Variants in B4GALNT4 observed in about 807,000 individuals in gnomAD.
B4GALNT4 encodes the protein N-acetyl-beta-glucosaminyl-glycoprotein 4-beta-N-acetylgalactosaminyltransferase 1.
B4GALNT4 carries 77 observed loss-of-function variants against 110.0 expected under a neutral mutation model. That is an observed-to-expected ratio of 0.70 (90% confidence interval 0.58 to 0.85). The LOEUF (loss-of-function observed/expected upper bound fraction) is 0.85. Among genes scored for constraint, B4GALNT4 ranks in the 40% least tolerant of loss-of-function variants. B4GALNT4 has a pLI of 0.00. For synonymous variants in B4GALNT4, 785 were observed against 655.5 expected (o/e 1.20, Z -3.02); for missense variants, 1,575 against 1,506.0 (o/e 1.05, Z -0.76).
chr11:379,586 A>G lies in B4GALNT4; in HGVS notation c.2373A>G (p.Gly791=). Reference sequence around the variant, plus strand: ...GAGCCCGCGTAGGGGATGCAGACGGAGAAAGTCCCGAACCCGCTCCCGCCG... The same window carrying G: ...GAGCCCGCGTAGGGGATGCAGACGGGGAAAGTCCCGAACCCGCTCCCGCCG... ...LPGARVGDAD[G]ESPEPAPAAS... The change falls in exon 15 of 20, where the codon GGA becomes GGG. Residue 791 remains glycine (G), a synonymous_variant. Transcript: ENST00000329962. 1 of 1,582,578 alleles carries G rather than the reference A, an allele frequency of 6.3e-7. No homozygotes were observed. The highest frequency in any genetic ancestry group is 8.6e-7 in the Non-Finnish European group (1 of 1,165,878).
Position 375,936 on chromosome 11 carries a change from A to G in B4GALNT4, c.1075A>G (p.Arg359Gly). 2 of 1,612,044 alleles carry G rather than the reference A, an allele frequency of 1.2e-6. No individual in the cohort carries two copies. The highest frequency in any genetic ancestry group is 1.7e-6 in the Non-Finnish European group (2 of 1,179,556). The change falls in exon 11 of 20, where the codon AGA becomes GGA. Residue 359 changes from arginine (R) to glycine (G), a missense_variant. Coordinates refer to ENST00000329962, the MANE Select transcript of B4GALNT4 (RefSeq NM_178537.5). ...TYVVKDFPIA[R>G]YQGLQFVYLS... ...CGTGGTCAAGGACTTCCCGATCGCC[A>G]GATACCAGGGCCTGCAATTTGTGAG...
At chr11:377,699 G>T (rs1263466313) in intron 14 of B4GALNT4, among the ~76,000 whole-genome samples, 1 of 152,244 alleles carries the variant, frequency 6.6e-6, no homozygotes, top group African/African-American at 2.4e-5. Flanking sequence ...TTCCGGGGGG[G>T]CCAGGCAGAG....
rs145389119 is a variant in B4GALNT4, at chr11:373,219, C to T, written c.564C>T (p.Asp188=). The T allele has an allele frequency of 1.4e-4, 227 of 1,612,238 alleles. 2 individuals are homozygous for T. The East Asian group carries it at 1.9e-3, about 14-fold the overall frequency. ...ACGTCCAGTTTTCTGTGGCCTCAGA[C>T]GACAACTCGGAGTTCTGGCTGAGTC... ...DGDVQFSVAS[D]DNSEFWLSLD... The change falls in exon 6 of 20, where the codon GAC becomes GAT. Residue 188 remains aspartate, a synonymous_variant. Transcript: ENST00000329962.
chr11:377,073 G>T lies in B4GALNT4; in HGVS notation c.1950G>T (p.Glu650Asp), dbSNP rs751769045. The T allele has an allele frequency of 9.3e-5, 134 of 1,445,398 alleles. No homozygotes were observed. In the South Asian group the frequency reaches 1.5e-3, roughly 16 times the overall value. The allele number at this position is 1,445,398 out of a possible 1,614,324, so 89.5% of individuals were successfully genotyped here. The change falls in exon 14 of 20, where the codon GAG becomes GAT. Residue 650 changes from glutamate to aspartate, a missense_variant. Physicochemically the swap from Glu to Asp is conservative, Grantham distance 45. Coordinates refer to ENST00000329962, the MANE Select transcript of B4GALNT4 (RefSeq NM_178537.5). ...PGEGEEEEEGEDDGAPGDEAA... is the reference protein window; with the variant it reads ...PGEGEEEEEGDDDGAPGDEAA... ...AGGGCGAAGAGGAGGAGGAAGGGGA[G>T]GACGATGGGGCCCCGGGCGACGAGG...
intron 3 of B4GALNT4, 44 bp from the exon 4 acceptor site, chr11:372,808 G>GGGGGCGGC: frequency 6.5e-7 from 1 of 1,534,786 alleles, no homozygotes; most frequent in South Asian, 1.2e-5. Context: ...GCTGGGGCGG[G>GGGGGCGGC]GGGGCGGCGG....
chr11:371,612 G>C (rs1846619878), intron 1 of B4GALNT4, among the ~76,000 whole-genome samples: 1 of 152,250 alleles, frequency 6.6e-6, no homozygotes. Flanking sequence ...TCCAGACTTT[G>C]AGAGCTCAAA....
intron 14 of B4GALNT4, among the ~76,000 whole-genome samples, chr11:377,618 T>TGGGCCC: frequency 6.6e-6 from 1 of 152,330 alleles, no homozygotes; most frequent in East Asian, 1.9e-4. Context: ...ATCCTGGACC[T>TGGGCCC]GGGCCCAGGG....
rs1050520177 is a variant in B4GALNT4, at chr11:377,202, C to A, written c.2079C>A (p.Phe693Leu). The A allele has an allele frequency of 6.3e-6, 10 of 1,591,986 alleles. No homozygotes were observed. The Admixed American group carries it at 7.0e-5, about 11-fold the overall frequency. Residue 693 changes from phenylalanine to leucine, a missense_variant, in exon 14 of 20, where the codon TTC becomes TTA. Coordinates refer to ENST00000329962, the MANE Select transcript of B4GALNT4 (RefSeq NM_178537.5). Reference protein sequence around the residue: ...QRTFSVGAVDFELLRSDWNDL... With the variant: ...QRTFSVGAVDLELLRSDWNDL... ...CGTTCAGCGTGGGCGCCGTGGACTTCGAGCTGCTGCGCTCGGACTGGAACG... is the reference window on the plus strand; with the variant it reads ...CGTTCAGCGTGGGCGCCGTGGACTTAGAGCTGCTGCGCTCGGACTGGAACG...
Position 377,302 on chromosome 11 carries a change from G to C in B4GALNT4, c.2179G>C (p.Glu727Gln), listed in dbSNP as rs1179182319. 3 of 1,564,302 alleles carry C rather than the reference G, an allele frequency of 1.9e-6. No individual in the cohort carries two copies. Among genetic ancestry groups the C allele is most frequent in the Non-Finnish European group, 2.6e-6 (3 of 1,158,232 alleles). ...CGTGGACGTGACCGCTCAGTACATG[G>C]AGCGGCTGAACGCGCGCCACGGCGG... ...EAVDVTAQYMERLNARHGGRF... is the reference protein window; with the variant it reads ...EAVDVTAQYMQRLNARHGGRF... The change falls in exon 14 of 20, where the codon GAG (glutamate) becomes CAG (glutamine). Residue 727 changes from glutamate (E) to glutamine (Q), a missense_variant. By Grantham distance (29) the Glu-to-Gln change is conservative. Coordinates refer to ENST00000329962, the MANE Select transcript of B4GALNT4 (RefSeq NM_178537.5).
rs771444346 is a variant in B4GALNT4 at position 380,815 on chromosome 11, C to T, written c.2870-10C>T. 5.0e-6 allele frequency: 8 copies of T among 1,613,628 alleles called. No individual in the cohort carries two copies. The highest frequency in any genetic ancestry group is 3.3e-5 in the Admixed American group (2 of 59,976). On this transcript the variant is annotated splice_polypyrimidine_tract_variant and intron_variant, in intron 18 of 19. Coordinates refer to ENST00000329962, the MANE Select transcript of B4GALNT4 (RefSeq NM_178537.5). The stretch of plus-strand genomic sequence containing the variant: ...TCTGAAGGGTAGCACCCCTCACCCT[C>T]CCGCCCCAGGTTACTGGGAGGTGAA...
chr11:372,210 G>A lies in B4GALNT4; in HGVS notation c.253G>A (p.Ala85Thr), dbSNP rs552017915. ...CAGTGAGAGCCGTGAAGAGGAGCAA[G>A]CGGTGAGCAGAGCCCTGGGGAGAAC... ...DSSESREEEQ[A>T]PEGRDLDMLF... The change falls in exon 2 of 20, where the codon GCG becomes ACG. Residue 85 changes from alanine (A) to threonine (T), a missense_variant and splice_region_variant. Ala to Thr is a moderately conservative substitution (Grantham distance 58). Transcript: ENST00000329962. The A allele has an allele frequency of 2.4e-5, 37 of 1,550,114 alleles. No individual in the cohort carries two copies. The South Asian group carries it at 4.0e-4, about 17-fold the overall frequency.
Position 376,491 on chromosome 11 carries a change from G to C in B4GALNT4, c.1368G>C (p.Arg456Ser). Residue 456 changes from arginine (R) to serine (S), a missense_variant, in exon 14 of 20, where the codon AGG becomes AGC. Arg to Ser is a moderately radical substitution (Grantham distance 110). Transcript: ENST00000329962. ...AGCCCACCGAGGCGGCCCCGCCCAG[G>C]AGCGGCCCCCAGTCCCCCGCCCCAG... is the stretch of plus-strand genomic sequence containing the variant. ...SLEPTEAAPP[R>S]SGPQSPAPAA... The C allele has an allele frequency of 6.4e-7, 1 of 1,570,596 alleles. No individual in the cohort carries two copies. The highest frequency in any genetic ancestry group is 8.6e-7 in the Non-Finnish European group (1 of 1,166,972).
rs1372163255 is a variant in B4GALNT4 at position 380,955 on chromosome 11, A to C, written c.2996+4A>C. ...AAGACTGGGAGCTCCTGGACAGGTG[A>C]CCACCTCCCCACTCCCCAGAGGTGA... On this transcript the variant is annotated splice_donor_region_variant and intron_variant, in intron 19 of 19. Transcript: ENST00000329962. 2.5e-6 allele frequency: 4 copies of C among 1,610,652 alleles called. No homozygotes were observed. Among genetic ancestry groups the C allele is most frequent in the Non-Finnish European group, 2.5e-6 (3 of 1,178,610 alleles).
Position 372,188 on chromosome 11 carries a change from TG to T in B4GALNT4, c.232del (p.Glu78ArgfsTer14), listed in dbSNP as rs1846629352. On this transcript the variant is annotated frameshift_variant, in exon 2 of 20. Transcript: ENST00000329962. LOFTEE classifies it high-confidence loss of function. ...PSTQRAEDSSESREEEQAPEG... is the reference protein window; with the variant it reads ...PSTQRAEDSSXSREEEQAPEG... The stretch of plus-strand genomic sequence containing the variant: ...CCACACAGAGGGCTGAGGACTCCAG[TG>T]AGAGCCGTGAAGAGGAGCAAGCGGT... 6.5e-7 allele frequency: 1 copy of T among 1,550,006 alleles called. No individual in the cohort carries two copies. Among genetic ancestry groups the T allele is most frequent in the African/African-American group, 1.4e-5 (1 of 73,100 alleles).
In B4GALNT4 at chr11:379,700, A is replaced by C. The variant is rs1846832237; in HGVS notation, c.2487A>C (p.Pro829=). The stretch of plus-strand genomic sequence containing the variant: ...ACGTGATGGTTCACTTCATCGTGCC[A>C]GGTTCGCAGGGCGGGCTCGGGGTGT... ...RQDVMVHFIV[P]VKNQARWVAQ... The change falls in exon 15 of 20, where the codon CCA becomes CCC. Residue 829 remains proline, a splice_region_variant and synonymous_variant. Transcript: ENST00000329962. 6.7e-7 allele frequency: 1 copy of C among 1,501,026 alleles called. No individual in the cohort carries two copies. The highest frequency in any genetic ancestry group is 8.9e-7 in the Non-Finnish European group (1 of 1,127,836). 93.0% of individuals were successfully genotyped at this position (1,501,026 alleles called of 1,614,324 possible).
Position 373,092 on chromosome 11 carries a change from G to T in B4GALNT4, c.511G>T (p.Gly171Cys). 1 of 1,612,456 alleles carries T rather than the reference G, an allele frequency of 6.2e-7. No homozygotes were observed. Among genetic ancestry groups the T allele is most frequent in the Non-Finnish European group, 8.5e-7 (1 of 1,179,820 alleles). Residue 171 changes from glycine (G) to cysteine (C), a missense_variant, in exon 5 of 20, where the codon GGT becomes TGT. By Grantham distance (159) the Gly-to-Cys change is radical (BLOSUM62 -3). Coordinates refer to ENST00000329962, the MANE Select transcript of B4GALNT4 (RefSeq NM_178537.5). ...KWKNYGLRIF[G>C]FIHPARDGDV... ...GAAGAACTATGGACTCCGTATTTTT[G>T]GTTTCATCCACCCGGCGAGGGACGG... is the stretch of plus-strand genomic sequence containing the variant.
chr11:375,393 G>A, intron 8 of B4GALNT4, 68 bp from the exon 9 acceptor site: 1 of 1,541,910 alleles, frequency 6.5e-7, no homozygotes. Flanking sequence ...CCTGAGCCAG[G>A]GTAGACCCTT....
At chr11:380,468 C>G (rs746122399) in intron 18 of B4GALNT4, 23 bp downstream of exon 18, 2 of 1,567,390 alleles carry the variant, frequency 1.3e-6, no homozygotes, top group South Asian at 2.3e-5. Context: ...GCGTCCCACC[C>G]TGTGATACCA....
Position 379,598 on chromosome 11 carries a change from A to C in B4GALNT4, c.2385A>C (p.Glu795Asp), listed in dbSNP as rs1134699. The stretch of plus-strand genomic sequence containing the variant: ...GGGATGCAGACGGAGAAAGTCCCGA[A>C]CCCGCTCCCGCCGCCTCCGTGCGCC... ...RVGDADGESP[E>D]PAPAASVRPD... The change falls in exon 15 of 20, where the codon GAA (glutamate) becomes GAC (aspartate). Residue 795 changes from glutamate to aspartate, a missense_variant. Glu to Asp is a conservative substitution (Grantham distance 45). Coordinates refer to ENST00000329962, the MANE Select transcript of B4GALNT4 (RefSeq NM_178537.5). 1 of 1,562,240 alleles carries C rather than the reference A, an allele frequency of 6.4e-7. No individual in the cohort carries two copies. Among genetic ancestry groups the C allele is most frequent in the Admixed American group, 1.9e-5 (1 of 52,188 alleles).
Sources: gnomAD v4.1 joint callset for allele counts (sites outside exome capture counted in the v4.1 genomes callset) on GRCh38, gnomAD v4.1.1 for gene constraint, MANE v1.5 for transcripts, NCBI Gene and HGNC (gene_info 2026-07-23, HGNC 2026-07-21) for gene names.